SGK1: variants seen among roughly 807,000 people sequenced by gnomAD.
The protein encoded by SGK1 is serum/glucocorticoid regulated kinase 1, also known as serine/threonine-protein kinase Sgk1.
SGK1 carries 26 observed loss-of-function variants against 64.2 expected under a neutral mutation model. The observed-to-expected ratio is 0.40, with a 90% CI of 0.30 to 0.56. The LOEUF (loss-of-function observed/expected upper bound fraction) is 0.56. SGK1 is among the 20% of genes least tolerant of loss of function. SGK1 has a pLI of 0.38. For missense variants in SGK1, 519 were observed against 645.6 expected (o/e 0.80, Z 2.12); for synonymous variants, 265 against 239.7 (o/e 1.11, Z -0.98).
chr6:134,280,198 CAAAA>C (rs1228218844), intron 1 of SGK1, among the ~76,000 whole-genome samples: 3 of 64,250 alleles, frequency 4.7e-5, no homozygotes, highest in Non-Finnish European at 8.8e-5. Context: ...GACACTGTCT[CAAAA>C]AAAAAAAAAA....
intron 2 of SGK1, among the ~76,000 whole-genome samples, chr6:134,210,915 A>G (rs1038078929): frequency 6.6e-6 from 1 of 151,954 alleles, no homozygotes; most frequent in African/African-American, 2.4e-5. Flanking sequence ...GCCTGAGGTC[A>G]GGAGTTTGAG....
At chr6:134,233,554 G>C (rs1202468827) in intron 2 of SGK1, among the ~76,000 whole-genome samples, 1 of 152,118 alleles carries the variant, frequency 6.6e-6, no homozygotes, top group African/African-American at 2.4e-5. Flanking sequence ...TGCCAGACAC[G>C]GTTATCTTCA....
At chr6:134,192,456 GT>G (rs1562246144) in intron 3 of SGK1, among the ~76,000 whole-genome samples, 1 of 152,182 alleles carries the variant, frequency 6.6e-6, no homozygotes, top group East Asian at 1.9e-4. Flanking sequence ...AAATAAAGGA[GT>G]TTTAGAGTAA....
chr6:134,205,415 A>G (rs1342567496), intron 3 of SGK1, among the ~76,000 whole-genome samples: 1 of 151,984 alleles, frequency 6.6e-6, no homozygotes, highest in African/African-American at 2.4e-5. Context: ...TTTAGACCGT[A>G]AGTCTGGTCT....
At chr6:134,238,507 T>C (rs918487796) in intron 2 of SGK1, among the ~76,000 whole-genome samples, 24 of 152,242 alleles carry the variant, frequency 1.6e-4, no homozygotes, top group African/African-American at 5.8e-4. Context: ...GGCTAAAGTC[T>C]AATGAACTGA....
Position 134,301,986 on chromosome 6 carries a change from C to A in SGK1, c.69+15406G>T, listed in dbSNP as rs149259901. Among the ~76,000 whole-genome samples the A allele has an allele frequency of 1.3e-3, 203 of 152,258 alleles. 3 individuals carry two copies. The highest frequency in any genetic ancestry group is 4.8e-3 in the African/African-American group (199 of 41,536). ...CAAAAGAGCTTGATAGTAAAGAAAA[C>A]AGAAGGATGGAATGCCCTCCAAGTT... On this transcript the variant is annotated intron_variant, in intron 1 of 13. Coordinates refer to ENST00000367858, the MANE Select transcript of SGK1 (RefSeq NM_001143676.3).
intron 2 of SGK1, among the ~76,000 whole-genome samples, chr6:134,217,455 C>A (rs145533305): frequency 6.6e-6 from 1 of 152,290 alleles, no homozygotes; most frequent in African/African-American, 2.4e-5. Context: ...CGGACCACTA[C>A]TGCCTTTGGA....
chr6:134,284,976 C>T (rs1388221470), intron 1 of SGK1, among the ~76,000 whole-genome samples: 2 of 152,096 alleles, frequency 1.3e-5, no homozygotes, highest in African/African-American at 2.4e-5. Flanking sequence ...TTTACAATTG[C>T]GAATTGTGCT....
intron 2 of SGK1, among the ~76,000 whole-genome samples, chr6:134,230,794 A>C (rs1427291858): frequency 6.6e-6 from 1 of 152,214 alleles, no homozygotes; most frequent in Non-Finnish European, 1.5e-5. Context: ...CAGGCAAATC[A>C]CTTGAAGTCA....
intron 1 of SGK1, among the ~76,000 whole-genome samples, chr6:134,314,463 T>C (rs76019910): frequency 0.013 from 1,968 of 152,288 alleles, 17 homozygotes; most frequent in Middle Eastern, 0.02. Flanking sequence ...TTGAACAAGG[T>C]TTAAATTTTA....
intron 3 of SGK1, among the ~76,000 whole-genome samples, chr6:134,197,489 A>G (rs1775611131): frequency 6.6e-6 from 1 of 152,128 alleles, no homozygotes; most frequent in Admixed American, 6.6e-5. Flanking sequence ...ATCAGCAGCT[A>G]TTGTTATGTT....
rs1180869727 is a variant in SGK1 at position 134,317,843 on chromosome 6, G to C, written c.-383C>G. On this transcript the variant is annotated 5_prime_UTR_variant, in exon 1 of 14. Transcript: ENST00000367858. ...GCTGCTCTTCCGCGGCCGGCGCGGG[G>C]AGCGAGTCGCTCTTCTCCAGGTGAT... is the stretch of plus-strand genomic sequence containing the variant. 5.0e-6 allele frequency: 1 copy of C among 200,362 alleles called. No homozygotes were observed. Among genetic ancestry groups the C allele is most frequent in the Non-Finnish European group, 1.0e-5 (1 of 99,212 alleles). 12.4% of individuals were successfully genotyped at this position (200,362 alleles called of 1,614,324 possible).
intron 1 of SGK1, chr6:134,298,598 G>C: frequency 9.9e-7 from 1 of 1,009,514 alleles, no homozygotes; most frequent in Non-Finnish European, 1.5e-6. Flanking sequence ...TTGAGGAGCT[G>C]ATGCAGGTAC....
chr6:134,188,908 C>CTT (rs34316759), intron 3 of SGK1, among the ~76,000 whole-genome samples: 3,713 of 110,110 alleles, frequency 0.034, 234 homozygotes, highest in African/African-American at 0.13. Context: ...ATTTCTTTTT[C>CTT]TTTTTTTTTT....
intron 2 of SGK1, among the ~76,000 whole-genome samples, chr6:134,230,699 C>G (rs1011142228): frequency 6.6e-6 from 1 of 152,122 alleles, no homozygotes; most frequent in Non-Finnish European, 1.5e-5. Context: ...AAAGCCTAAT[C>G]GTATCATCCA....
At chr6:134,297,783 G>A (rs1777383623) in intron 1 of SGK1, 14 of 559,214 alleles carry the variant, frequency 2.5e-5, no homozygotes, top group South Asian at 2.3e-4. Flanking sequence ...TTACAGGCGT[G>A]AGCCACTGCG....
intron 3 of SGK1, among the ~76,000 whole-genome samples, chr6:134,202,589 A>G (rs915075370): frequency 6.6e-6 from 1 of 152,168 alleles, no homozygotes; most frequent in African/African-American, 2.4e-5. Flanking sequence ...TGGAAGTTGC[A>G]GTGAGCTGAG....
rs985810202 is a variant in SGK1, at chr6:134,268,640, G to A, written c.70-6492C>T. On this transcript the variant is annotated intron_variant, in intron 1 of 13. Transcript: ENST00000367858. Reference sequence around the variant, plus strand: ...CGGGAGGCTGAGGCAGGAGAATGGCGTGAACCCGGGAGGCGGAGCTTGCAG... The same window carrying A: ...CGGGAGGCTGAGGCAGGAGAATGGCATGAACCCGGGAGGCGGAGCTTGCAG... 6.3e-5 allele frequency among the ~76,000 whole-genome samples: 9 copies of A among 142,774 alleles called. 3 individuals carry two copies. In the Admixed American group the frequency reaches 6.7e-4, roughly 11 times the overall value. The allele number at this position is 142,774 out of a possible 152,430, so 93.7% of individuals were successfully genotyped here.
At chr6:134,174,151 T>A in intron 4 of SGK1, 71 bp from the exon 5 acceptor site, 1 of 1,113,536 alleles carries the variant, frequency 9.0e-7, no homozygotes, top group Non-Finnish European at 1.3e-6. Context: ...CAAAAGTGAG[T>A]TTCTGGCTCT....
Sources: allele counts gnomAD v4.1 joint callset (sites outside exome capture counted in the v4.1 genomes callset), GRCh38; gene constraint gnomAD v4.1.1; transcripts MANE v1.5; gene names NCBI Gene and HGNC (gene_info 2026-07-23, HGNC 2026-07-21).